Variants in CLVS1 observed in about 807,000 individuals in gnomAD.
CLVS1 encodes clavesin-1.
Under a neutral mutation model 33.1 loss-of-function variants are expected in CLVS1, and 10 were observed. The observed-to-expected ratio is 0.30, with a 90% confidence interval of 0.19 to 0.51. The LOEUF is 0.51. Among genes scored for constraint, CLVS1 ranks in the 20% least tolerant of loss-of-function variants. The pLI is 0.97. For missense variants in CLVS1, 343 were observed against 433.4 expected, an observed-to-expected ratio of 0.79 and a Z score of 1.85; for synonymous variants, 163 against 166.1, an observed-to-expected ratio of 0.98 and a Z score of 0.14.
chr8:61,447,941 C>T (rs964102958), intron 3 of CLVS1, among the ~76,000 whole-genome samples: 7 of 152,050 alleles, frequency 4.6e-5, no homozygotes, highest in South Asian at 2.1e-4. Context: ...TAGAATAAAT[C>T]TACTGGCAAC....
At chr8:61,091,357 G>A (rs111600570) in intron 1 of CLVS1, among the ~76,000 whole-genome samples, 3,349 of 152,296 alleles carry the variant, frequency 0.022, 104 homozygotes, top group African/African-American at 0.074. Flanking sequence ...TGACCTCTAA[G>A]ACTCTAAGAC....
intron 2 of CLVS1, among the ~76,000 whole-genome samples, chr8:61,157,998 T>C (rs1248935950): frequency 6.6e-6 from 1 of 152,080 alleles, no homozygotes; most frequent in Non-Finnish European, 1.5e-5. Flanking sequence ...CCAAGAAGAA[T>C]GAAAACAACA....
chr8:61,091,112 T>C (rs1397713682), intron 1 of CLVS1, among the ~76,000 whole-genome samples: 1 of 152,160 alleles, frequency 6.6e-6, no homozygotes, highest in Non-Finnish European at 1.5e-5. Context: ...GCCTGGGTTA[T>C]CGAGGTGGGC....
chr8:61,225,291 C>A (rs1477631349), intron 2 of CLVS1, among the ~76,000 whole-genome samples: 1 of 151,838 alleles, frequency 6.6e-6, no homozygotes, highest in East Asian at 1.9e-4. Context: ...ATACTACAGC[C>A]TGGGCAACTG....
chr8:61,194,612 A>C (rs1563440086), intron 2 of CLVS1, among the ~76,000 whole-genome samples: 1 of 151,958 alleles, frequency 6.6e-6, no homozygotes, highest in Non-Finnish European at 1.5e-5. Flanking sequence ...CATGATGGGA[A>C]ATTTTAACAT....
At chr8:61,139,606 G>A (rs1806268023) in intron 2 of CLVS1, among the ~76,000 whole-genome samples, 1 of 151,864 alleles carries the variant, frequency 6.6e-6, no homozygotes, top group Non-Finnish European at 1.5e-5. Flanking sequence ...GAGGGCGCAG[G>A]CGTATTTCCA....
rs115406126 is a variant in CLVS1 at position 61,379,601 on chromosome 8, C to T, written c.630+2822C>T. 8.0e-3 allele frequency among the ~76,000 whole-genome samples: 1,215 copies of T among 152,218 alleles called. 20 individuals are homozygous for T. Among genetic ancestry groups the T allele is most frequent in the African/African-American group, 0.027 (1,116 of 41,518 alleles). On this transcript the variant is annotated intron_variant, in intron 3 of 5. Transcript: ENST00000325897. Reference sequence around the variant, plus strand: ...CATAAAGACAGTTGTTGAAGGAGAACTTTGATTAGTAATTGCTACACGTTG... The same window carrying T: ...CATAAAGACAGTTGTTGAAGGAGAATTTTGATTAGTAATTGCTACACGTTG...
chr8:61,464,418 C>G lies in CLVS1; in HGVS notation c.977+5876C>G, dbSNP rs572922250. On this transcript the variant is annotated intron_variant, in intron 5 of 5. Coordinates refer to ENST00000325897, the MANE Select transcript of CLVS1 (RefSeq NM_173519.3). ...GAAAGAGCCAATTCCTCCCCCAACC[C>G]CCTGTCTTTAACAAGGCTCTCATGG... Among the ~76,000 whole-genome samples, 4 of 152,320 alleles carry G rather than the reference C, an allele frequency of 2.6e-5. No homozygotes were observed. In the South Asian group the frequency reaches 8.3e-4, roughly 32 times the overall value.
chr8:61,340,130 C>T (rs554194263), intron 2 of CLVS1, among the ~76,000 whole-genome samples: 1 of 151,906 alleles, frequency 6.6e-6, no homozygotes. Flanking sequence ...AGGGAAAGAA[C>T]CCTGCATTGC....
chr8:61,131,389 T>C (rs1316827902), intron 1 of CLVS1, among the ~76,000 whole-genome samples: 1 of 152,154 alleles, frequency 6.6e-6, no homozygotes. Context: ...GCGGAGTCAA[T>C]TGGCAAATTA....
intron 3 of CLVS1, among the ~76,000 whole-genome samples, chr8:61,382,650 C>G (rs575492245): frequency 2.6e-4 from 40 of 152,264 alleles, no homozygotes; most frequent in African/African-American, 9.1e-4. Context: ...CCGCAGATGC[C>G]CCTGGAGGGT....
chr8:61,432,377 T>C (rs1324004073), intron 3 of CLVS1, among the ~76,000 whole-genome samples: 1 of 152,170 alleles, frequency 6.6e-6, no homozygotes, highest in Non-Finnish European at 1.5e-5. Context: ...TGACTATATG[T>C]GGAGATAGGG....
At chr8:61,337,591 C>G (rs1463250807) in intron 2 of CLVS1, among the ~76,000 whole-genome samples, 1 of 152,182 alleles carries the variant, frequency 6.6e-6, no homozygotes, top group African/African-American at 2.4e-5. Context: ...GTTCTGCCTT[C>G]CAGATCGGCC....
chr8:61,472,515 A>G (rs1817768293), intron 5 of CLVS1, among the ~76,000 whole-genome samples: 1 of 152,218 alleles, frequency 6.6e-6, no homozygotes, highest in South Asian at 2.1e-4. Flanking sequence ...TCAACCATCC[A>G]TAAAGGAATA....
intron 2 of CLVS1, among the ~76,000 whole-genome samples, chr8:61,335,843 G>A (rs1585818931): frequency 6.6e-6 from 1 of 152,174 alleles, no homozygotes; most frequent in Non-Finnish European, 1.5e-5. Context: ...CATCCCAGAT[G>A]GGGCACGTGT....
intron 3 of CLVS1, among the ~76,000 whole-genome samples, chr8:61,449,953 T>C (rs774667480): frequency 6.6e-6 from 1 of 152,252 alleles, no homozygotes. Flanking sequence ...TTAATAATCA[T>C]ATTTTATGAG....
chr8:61,114,521 A>G (rs903714581), intron 1 of CLVS1, among the ~76,000 whole-genome samples: 3 of 152,250 alleles, frequency 2.0e-5, no homozygotes, highest in Non-Finnish European at 4.4e-5. Flanking sequence ...GTACAACTAC[A>G]CTATCAGTAG....
At chr8:61,454,337 C>CT in intron 4 of CLVS1, 86 bp downstream of exon 4, 2 of 940,014 alleles carry the variant, frequency 2.1e-6, no homozygotes, top group South Asian at 2.7e-5. Context: ...CCTTTCCCCC[C>CT]TTTTTCTCTC....
At position 61,278,616 on chromosome 8, in the gene CLVS1, T is replaced by C. The variant is rs544810613; in HGVS notation, c.-151-21061T>C. 2.0e-5 allele frequency among the ~76,000 whole-genome samples: 3 copies of C among 152,368 alleles called. No homozygotes were observed. The South Asian group carries it at 6.2e-4, about 32-fold the overall frequency. ...TGGTTATATGTGTTAGTGAATGTCA[T>C]CAGGGATTAATGTGTGTGTGTATAG... On this transcript the variant is annotated intron_variant, in intron 2 of 2. Transcript: ENST00000522621.
Sources: gnomAD v4.1 joint callset for allele counts (sites outside exome capture counted in the v4.1 genomes callset) on GRCh38, gnomAD v4.1.1 for gene constraint, MANE v1.5 for transcripts, NCBI Gene and HGNC (gene_info 2026-07-23, HGNC 2026-07-21) for gene names.